SOAT1: variants seen among roughly 807,000 people sequenced by gnomAD.
SOAT1 encodes the protein sterol O-acyltransferase 1, also known as acyl-coenzyme A:cholesterol acyltransferase 1.
In SOAT1, 55 loss-of-function variants were observed where a neutral mutation model predicts 69.5. That is an observed-to-expected ratio of 0.79 (90% CI 0.64 to 0.99). The LOEUF (loss-of-function observed/expected upper bound fraction) is 0.99. Among genes scored for constraint, SOAT1 ranks in the 50% least tolerant of loss-of-function variants. The probability of loss-of-function intolerance (pLI) is 0.00; values close to 1 mark genes in which losing one functional copy is unlikely to be tolerated. For synonymous variants in SOAT1, 231 were observed against 224.7 expected (o/e 1.03, Z -0.25); for missense variants, 580 against 669.3 (o/e 0.87, Z 1.47).
At chr1:179,297,711 G>A (rs1484564817) in intron 1 of SOAT1, among the ~76,000 whole-genome samples, 1 of 143,692 alleles carries the variant, frequency 7.0e-6, no homozygotes, top group East Asian at 2.2e-4. Context: ...TTCAACCTGG[G>A]CGACATGGCA....
intron 1 of SOAT1, among the ~76,000 whole-genome samples, chr1:179,295,818 T>C (rs1664612565): frequency 6.6e-6 from 1 of 151,044 alleles, no homozygotes; most frequent in Admixed American, 6.6e-5. Flanking sequence ...TTTTTTTTTT[T>C]TTTTGAGATG....
At chr1:179,330,475 A>C (rs1665934634) in intron 3 of SOAT1, among the ~76,000 whole-genome samples, 1 of 152,248 alleles carries the variant, frequency 6.6e-6, no homozygotes, top group African/African-American at 2.4e-5. Context: ...CCTACGTTTT[A>C]GCAGAATTCA....
At chr1:179,315,341 G>A (rs545317210) in intron 2 of SOAT1, among the ~76,000 whole-genome samples, 2 of 152,110 alleles carry the variant, frequency 1.3e-5, no homozygotes, top group South Asian at 2.1e-4. Context: ...GCATGTGCCT[G>A]TAGTCCTAGG....
intron 2 of SOAT1, among the ~76,000 whole-genome samples, chr1:179,313,216 CAGT>C (rs1665277226): frequency 6.6e-6 from 1 of 152,206 alleles, no homozygotes; most frequent in African/African-American, 2.4e-5. Context: ...CCTGTTATCA[CAGT>C]AGAGTTGAGT....
At chr1:179,298,518 G>A (rs1041125288) in intron 1 of SOAT1, among the ~76,000 whole-genome samples, 3 of 151,902 alleles carry the variant, frequency 2.0e-5, no homozygotes, top group African/African-American at 7.3e-5. Flanking sequence ...CTGGGCTGGA[G>A]TGCAGAGGTG....
chr1:179,343,231 A>G (rs1372094919), intron 9 of SOAT1, among the ~76,000 whole-genome samples: 3 of 150,380 alleles, frequency 2.0e-5, no homozygotes, highest in African/African-American at 7.3e-5. Flanking sequence ...TAATTAATTA[A>G]TTTTAGTTTT....
intron 2 of SOAT1, 74 bp downstream of exon 2, chr1:179,302,876 GC>G (rs1664881864): frequency 4.0e-6 from 3 of 757,456 alleles, no homozygotes; most frequent in Non-Finnish European, 6.3e-6. Flanking sequence ...AATAAGTATT[GC>G]CATCTCTTTA....
chr1:179,328,628 G>A (rs976444557), intron 3 of SOAT1, among the ~76,000 whole-genome samples: 1 of 152,172 alleles, frequency 6.6e-6, no homozygotes, highest in African/African-American at 2.4e-5. Context: ...CAAAGGGAAT[G>A]TCTTTACTAA....
intron 12 of SOAT1, among the ~76,000 whole-genome samples, 198 bp downstream of exon 12, chr1:179,347,895 C>G (rs1309523863): frequency 6.6e-6 from 1 of 152,172 alleles, no homozygotes; most frequent in East Asian, 1.9e-4. Context: ...TCTTCTGTCT[C>G]TAATATCTGC....
At chr1:179,299,997 A>G (rs1300529627) in intron 1 of SOAT1, among the ~76,000 whole-genome samples, 5 of 149,766 alleles carry the variant, frequency 3.3e-5, no homozygotes, top group African/African-American at 4.9e-5. Context: ...TCCTGACTTC[A>G]TGATCTGCCC....
intron 9 of SOAT1, 102 bp from the exon 10 acceptor site, chr1:179,343,488 T>C (rs1571451165): frequency 6.5e-6 from 6 of 917,344 alleles, no homozygotes; most frequent in East Asian, 5.6e-5. Context: ...GGATTACAGG[T>C]GTGAGCCACC....
chr1:179,300,955 T>A (rs987051956), intron 1 of SOAT1, among the ~76,000 whole-genome samples: 1 of 151,984 alleles, frequency 6.6e-6, no homozygotes, highest in Admixed American at 6.6e-5. Flanking sequence ...ATTAGCCACG[T>A]GTGGTGGCAG....
chr1:179,337,887 C>T lies in SOAT1; in HGVS notation c.380C>T (p.Ser127Phe). Residue 127 changes from serine (S) to phenylalanine (F), a missense_variant, in exon 5 of 16, where the codon TCT (serine) becomes TTT (phenylalanine). Ser to Phe is a radical substitution (Grantham distance 155). Transcript: ENST00000367619. ...EQGKIFIARR[S>F]LLDELLEVDH... ...GGAAAGATTTTTATTGCAAGGCGCT[C>T]TCTCTTAGAGTGAGTATTTTTAGTT... 2 of 1,607,936 alleles carry T rather than the reference C, an allele frequency of 1.2e-6. No individual in the cohort carries two copies. Among genetic ancestry groups the T allele is most frequent in the Non-Finnish European group, 1.7e-6 (2 of 1,176,570 alleles).
At position 179,351,478 on chromosome 1, in the gene SOAT1, G is replaced by C; in HGVS notation, c.1596+16G>C. The C allele has an allele frequency of 6.2e-7, 1 of 1,610,746 alleles. No individual in the cohort carries two copies. The highest frequency in any genetic ancestry group is 1.1e-5 in the South Asian group (1 of 90,436). ...TCTGAAAAATGTGAGTCACCAACCT[G>C]GTTGGAGTGCAAAAGAACCTGTTTA... is the stretch of plus-strand genomic sequence containing the variant. On this transcript the variant is annotated intron_variant, in intron 15 of 15. Coordinates refer to ENST00000367619, the MANE Select transcript of SOAT1 (RefSeq NM_003101.6).
At chr1:179,324,236 A>G (rs1041942920) in intron 3 of SOAT1, among the ~76,000 whole-genome samples, 3 of 152,208 alleles carry the variant, frequency 2.0e-5, no homozygotes, top group Admixed American at 6.5e-5. Flanking sequence ...ATTTCATGAA[A>G]TGTATGCCAG....
intron 2 of SOAT1, among the ~76,000 whole-genome samples, chr1:179,317,445 A>G (rs1665433326): frequency 6.7e-6 from 1 of 150,238 alleles, no homozygotes; most frequent in African/African-American, 2.4e-5. Context: ...AGGCAGGAGA[A>G]TGGTGTGAAC....
At chr1:179,315,049 T>C (rs1016329569) in intron 2 of SOAT1, among the ~76,000 whole-genome samples, 2 of 152,170 alleles carry the variant, frequency 1.3e-5, no homozygotes, top group Non-Finnish European at 2.9e-5. Flanking sequence ...GGCAAATGAT[T>C]CCGAAATTAC....
chr1:179,302,849 CAA>C (rs1664880617), intron 2 of SOAT1, 47 bp downstream of exon 2: 1 of 989,084 alleles, frequency 1.0e-6, no homozygotes, highest in Non-Finnish European at 1.5e-6. Context: ...AAATAGAGAA[CAA>C]ATACAGTGTT....
At chr1:179,340,906 G>C in intron 6 of SOAT1, 122 bp from the exon 7 acceptor site, 1 of 787,316 alleles carries the variant, frequency 1.3e-6, no homozygotes, top group Non-Finnish European at 2.0e-6. Context: ...TGACTTCAGC[G>C]TATTAACGTT....
Sources: gnomAD v4.1 joint callset for allele counts (sites outside exome capture counted in the v4.1 genomes callset) on GRCh38, gnomAD v4.1.1 for gene constraint, MANE v1.5 for transcripts, NCBI Gene and HGNC (gene_info 2026-07-23, HGNC 2026-07-21) for gene names.